ADAMTSL1: variants seen among roughly 807,000 people sequenced by gnomAD.
ADAMTSL1 encodes the protein ADAMTS-like protein 1.
A neutral mutation model predicts 201.8 loss-of-function variants in ADAMTSL1; 126 were observed. The ratio of observed to expected loss-of-function variants is 0.62; its 90% CI spans 0.54 to 0.72. The LOEUF (loss-of-function observed/expected upper bound fraction) is 0.72, where lower values mean the gene tolerates loss of function less well. Ranked by LOEUF, ADAMTSL1 falls within the 30% of genes least tolerant of loss-of-function variation. The probability of loss-of-function intolerance (pLI) is 0.00; values close to 1 mark genes in which losing one functional copy is unlikely to be tolerated. For missense variants in ADAMTSL1, 2,679 were observed against 2,277.8 expected, an observed-to-expected ratio of 1.18 and a Z score of -3.59; for synonymous variants, 1,121 against 903.4, an observed-to-expected ratio of 1.24 and a Z score of -4.32.
chr9:18,279,076 T>C (rs1380008027), intron 2 of ADAMTSL1, among the ~76,000 whole-genome samples: 1 of 152,204 alleles, frequency 6.6e-6, no homozygotes, highest in African/African-American at 2.4e-5. Flanking sequence ...ATAGCCCTCC[T>C]AATTTCATTC....
chr9:18,346,926 A>G (rs1462267597), intron 2 of ADAMTSL1, among the ~76,000 whole-genome samples: 3 of 152,166 alleles, frequency 2.0e-5, no homozygotes, highest in Non-Finnish European at 4.4e-5. Context: ...TCCTCCTTCC[A>G]TTCATTTTCC....
chr9:18,845,579 T>A (rs773452709), intron 23 of ADAMTSL1, among the ~76,000 whole-genome samples: 1 of 152,244 alleles, frequency 6.6e-6, no homozygotes, highest in East Asian at 1.9e-4. Flanking sequence ...AGCTCACACA[T>A]TGCAGTTGGG....
At chr9:18,543,251 T>G (rs932923913) in intron 3 of ADAMTSL1, among the ~76,000 whole-genome samples, 5 of 152,198 alleles carry the variant, frequency 3.3e-5, no homozygotes, top group African/African-American at 9.7e-5. Flanking sequence ...TTTCTCCTTT[T>G]TGGAGTTGAG....
intron 2 of ADAMTSL1, among the ~76,000 whole-genome samples, chr9:18,380,910 A>T (rs1837530763): frequency 6.6e-6 from 1 of 152,190 alleles, no homozygotes; most frequent in African/African-American, 2.4e-5. Flanking sequence ...CACCAAAGAG[A>T]ACCCTTTATG....
At chr9:18,720,800 A>G (rs1401089092) in intron 14 of ADAMTSL1, among the ~76,000 whole-genome samples, 1 of 152,212 alleles carries the variant, frequency 6.6e-6, no homozygotes, top group Non-Finnish European at 1.5e-5. Flanking sequence ...AATAAAATAA[A>G]AATAAGTGTC....
chr9:18,510,650 C>T lies in ADAMTSL1; in HGVS notation c.191+5694C>T, dbSNP rs146295883. Among the ~76,000 whole-genome samples, 413 of 151,806 alleles carry T rather than the reference C, an allele frequency of 2.7e-3. 11 individuals carry two copies. The highest frequency in any genetic ancestry group is 0.024 in the Admixed American group (363 of 15,210). On this transcript the variant is annotated intron_variant, in intron 2 of 28. Coordinates refer to ENST00000380548, the MANE Select transcript of ADAMTSL1 (RefSeq NM_001040272.6). ...GACACTGTATAAACATTGTCTCTCA[C>T]CTTTACTAATTTTGTAAGGTTATAT...
intron 2 of ADAMTSL1, among the ~76,000 whole-genome samples, chr9:18,380,392 A>C (rs1409254020): frequency 6.6e-6 from 1 of 152,240 alleles, no homozygotes. Context: ...ATAAAGGTAG[A>C]AATAAAACAT....
intron 1 of ADAMTSL1, among the ~76,000 whole-genome samples, chr9:18,132,933 C>T (rs1361184225): frequency 2.0e-5 from 3 of 152,090 alleles, no homozygotes; most frequent in African/African-American, 4.8e-5. Flanking sequence ...ACGGAGATAG[C>T]GTTCAGACTG....
intron 7 of ADAMTSL1, among the ~76,000 whole-genome samples, chr9:18,647,925 C>A (rs953205347): frequency 6.7e-6 from 1 of 150,154 alleles, no homozygotes; most frequent in African/African-American, 2.4e-5. Flanking sequence ...GAGCTGAGTT[C>A]AATTCCTGGG....
chr9:18,242,676 T>C (rs1831116004), intron 2 of ADAMTSL1, among the ~76,000 whole-genome samples: 1 of 151,984 alleles, frequency 6.6e-6, no homozygotes, highest in Non-Finnish European at 1.5e-5. Flanking sequence ...GGATATGAAA[T>C]CAACATATAA....
In ADAMTSL1 at chr9:18,671,381, G is replaced by A. The variant is rs188839826; in HGVS notation, c.1086-4476G>A. Among the ~76,000 whole-genome samples the A allele has an allele frequency of 9.1e-4, 139 of 152,360 alleles. 4 individuals carry two copies. Among genetic ancestry groups the A allele is most frequent in the African/African-American group, 3.2e-3 (134 of 41,580 alleles). On this transcript the variant is annotated intron_variant, in intron 9 of 28. Transcript: ENST00000380548. ...AAGTATCAGGTGCTTTGGCAGCAGAGTAGGCTGGATTGATTTGTTACGAGA... is the reference window on the plus strand; with the variant it reads ...AAGTATCAGGTGCTTTGGCAGCAGAATAGGCTGGATTGATTTGTTACGAGA...
chr9:18,880,894 T>G (rs1036928214), intron 23 of ADAMTSL1, among the ~76,000 whole-genome samples: 1 of 152,252 alleles, frequency 6.6e-6, no homozygotes, highest in Non-Finnish European at 1.5e-5. Context: ...GCCACCATCA[T>G]CAGTGATCTT....
At chr9:18,099,326 A>AATATATATATATACATAT (rs1554695404) in intron 1 of ADAMTSL1, among the ~76,000 whole-genome samples, 3 of 57,602 alleles carry the variant, frequency 5.2e-5, no homozygotes, top group East Asian at 1.1e-3. Flanking sequence ...GCAAATGGAA[A>AATATATATATATACATAT]ATATATATAT....
In ADAMTSL1 at chr9:18,766,920, G is replaced by A. The variant is rs1054347172; in HGVS notation, c.2218-3682G>A. On this transcript the variant is annotated intron_variant, in intron 16 of 28. Transcript: ENST00000380548. ...GCACCAATAAAAGGCAAGAGATGAT[G>A]GATTATGGTATGCTGATTTCTTATT... 6.6e-5 allele frequency among the ~76,000 whole-genome samples: 10 copies of A among 152,066 alleles called. 1 individual carries two copies. Among genetic ancestry groups the A allele is most frequent in the African/African-American group, 2.2e-4 (9 of 41,394 alleles).
In ADAMTSL1 at chr9:18,753,375, A is replaced by C; in HGVS notation, c.2084A>C (p.His695Pro). ...CAGACCAGAGACGTCTTCTGCAGCC[A>C]CCTGCTTTCCAGAGAGATGAATGAA... ...GLQTRDVFCS[H>P]LLSREMNETV... The change falls in exon 16 of 29, where the codon CAC becomes CCC. Residue 695 changes from histidine (H) to proline (P), a missense_variant. By Grantham distance (77) the His-to-Pro change is moderately conservative (BLOSUM62 -2). Coordinates refer to ENST00000380548, the MANE Select transcript of ADAMTSL1 (RefSeq NM_001040272.6). 1 of 1,612,490 alleles carries C rather than the reference A, an allele frequency of 6.2e-7. No individual in the cohort carries two copies.
Position 18,085,618 on chromosome 9 carries a change from C to CAT in ADAMTSL1, c.88-78244_88-78243insAT, listed in dbSNP as rs1823730118. ...TACGTATATACACTGTGTGTGTATA[C>CAT]GTATATACACTGTGTGTGTATATAT... On this transcript the variant is annotated intron_variant, in intron 1 of 29. Transcript: ENST00000680146. Among the ~76,000 whole-genome samples the CAT allele has an allele frequency of 2.9e-5, 4 of 139,816 alleles. No individual in the cohort carries two copies. In the South Asian group the frequency reaches 9.0e-4, roughly 31 times the overall value. The allele number at this position is 139,816 out of a possible 152,430, so 91.7% of individuals were successfully genotyped here. A position where few individuals can be genotyped will look rare whatever the true frequency, so the allele number is the denominator to read the frequency against.
At chr9:18,209,040 A>G (rs1278705167) in intron 2 of ADAMTSL1, among the ~76,000 whole-genome samples, 1 of 152,144 alleles carries the variant, frequency 6.6e-6, no homozygotes. Context: ...AAAGGAAAAT[A>G]TTATTTACCA....
intron 2 of ADAMTSL1, among the ~76,000 whole-genome samples, chr9:18,406,279 A>G (rs1477392992): frequency 4.2e-5 from 4 of 95,884 alleles, no homozygotes; most frequent in African/African-American, 9.2e-5. Flanking sequence ...GCTCATTGGT[A>G]TAAGACAGTT....
chr9:17,939,364 T>C (rs957625905), intron 1 of ADAMTSL1, among the ~76,000 whole-genome samples: 7 of 152,070 alleles, frequency 4.6e-5, no homozygotes, highest in African/African-American at 1.2e-4. Flanking sequence ...CTATTCAAAC[T>C]AGTCTGTTCT....
Sources: allele counts gnomAD v4.1 joint callset (sites outside exome capture counted in the v4.1 genomes callset), GRCh38; gene constraint gnomAD v4.1.1; transcripts MANE v1.5; gene names NCBI Gene and HGNC (gene_info 2026-07-23, HGNC 2026-07-21).